Variants in DGKB observed in about 807,000 individuals in gnomAD.
DGKB encodes 90 kDa diacylglycerol kinase.
Under a neutral mutation model 114.3 loss-of-function variants are expected in DGKB, and 67 were observed. The observed-to-expected ratio is 0.59, with a 90% CI of 0.48 to 0.72. The LOEUF is 0.72. Ranked by LOEUF, DGKB falls within the 30% of genes least tolerant of loss-of-function variation. The probability of loss-of-function intolerance (pLI) is 0.00; values close to 1 mark genes in which losing one functional copy is unlikely to be tolerated. For missense variants in DGKB, 907 were observed against 975.2 expected (o/e 0.93, Z 0.93); for synonymous variants, 398 against 323.1 (o/e 1.23, Z -2.49).
chr7:14,807,074 T>C (rs1374840639), intron 2 of DGKB, among the ~76,000 whole-genome samples: 1 of 151,924 alleles, frequency 6.6e-6, no homozygotes, highest in Non-Finnish European at 1.5e-5. Flanking sequence ...AGCTGAGAGA[T>C]GAAGACAAAT....
chr7:14,240,112 C>A (rs1793423752), intron 23 of DGKB, among the ~76,000 whole-genome samples: 1 of 152,014 alleles, frequency 6.6e-6, no homozygotes, highest in Non-Finnish European at 1.5e-5. Flanking sequence ...TCTGTATCTT[C>A]CCTTATCAAT....
chr7:14,854,021 G>A lies in DGKB; in HGVS notation c.-187-12571C>T, dbSNP rs116121587. On this transcript the variant is annotated intron_variant, in intron 1 of 25. Coordinates refer to ENST00000402815, the MANE Select transcript of DGKB (RefSeq NM_001350709.2). ...TCACATCTTGCCTGACTCATTAGCA[G>A]TAAGCTCCCTTTATTTCATTATCTG... Among the ~76,000 whole-genome samples the A allele has an allele frequency of 1.3e-3, 202 of 152,082 alleles. 1 individual carries two copies. Among genetic ancestry groups the A allele is most frequent in the African/African-American group, 3.9e-3 (160 of 41,488 alleles).
At chr7:14,379,223 C>A (rs1030704279) in intron 21 of DGKB, among the ~76,000 whole-genome samples, 2 of 151,990 alleles carry the variant, frequency 1.3e-5, no homozygotes, top group African/African-American at 4.8e-5. Context: ...CTGAATTCAG[C>A]GAGTGTTTGT....
At chr7:14,408,634 T>C (rs182478047) in intron 21 of DGKB, among the ~76,000 whole-genome samples, 6 of 152,274 alleles carry the variant, frequency 3.9e-5, no homozygotes, top group African/African-American at 1.4e-4. Context: ...GCTCACTGAT[T>C]CTTCTAAATT....
At chr7:14,523,548 C>T (rs772169479) in intron 20 of DGKB, among the ~76,000 whole-genome samples, 1 of 152,138 alleles carries the variant, frequency 6.6e-6, no homozygotes, top group Non-Finnish European at 1.5e-5. Context: ...TAAAATTATA[C>T]TCCAATCAAG....
chr7:14,964,499 C>A (rs916113542), intron 1 of DGKB, among the ~76,000 whole-genome samples: 1 of 151,880 alleles, frequency 6.6e-6, no homozygotes, highest in African/African-American at 2.4e-5. Flanking sequence ...GACGTTGTCT[C>A]AAAAATAAAT....
intron 15 of DGKB, among the ~76,000 whole-genome samples, chr7:14,619,778 G>A (rs1174065169): frequency 6.6e-6 from 1 of 151,634 alleles, no homozygotes; most frequent in Non-Finnish European, 1.5e-5. Context: ...TTTTGAAAAT[G>A]ATGATAATAA....
chr7:14,336,045 A>G (rs1305177968), intron 23 of DGKB, among the ~76,000 whole-genome samples: 3 of 152,170 alleles, frequency 2.0e-5, no homozygotes, highest in Non-Finnish European at 4.4e-5. Flanking sequence ...TGCCTGCCCT[A>G]TTGCTGTTTT....
At chr7:14,246,592 T>TTTG (rs1306834372) in intron 23 of DGKB, among the ~76,000 whole-genome samples, 1 of 152,100 alleles carries the variant, frequency 6.6e-6, no homozygotes, top group Non-Finnish European at 1.5e-5. Flanking sequence ...CATACTCAAT[T>TTTG]TTGTTGTTGT....
intron 13 of DGKB, among the ~76,000 whole-genome samples, chr7:14,660,233 T>C (rs551578929): frequency 1.3e-5 from 2 of 152,132 alleles, no homozygotes; most frequent in African/African-American, 4.8e-5. Flanking sequence ...GGTATCAGGA[T>C]GATGCTGGCC....
chr7:14,658,252 A>ATT (rs2128916911), intron 13 of DGKB, among the ~76,000 whole-genome samples: 1 of 152,078 alleles, frequency 6.6e-6, no homozygotes, highest in South Asian at 2.1e-4. Flanking sequence ...AACTGGGACC[A>ATT]TTTTAAGTTT....
chr7:14,393,180 G>A (rs1450287311), intron 21 of DGKB, among the ~76,000 whole-genome samples: 3 of 151,352 alleles, frequency 2.0e-5, no homozygotes, highest in Non-Finnish European at 2.9e-5. Context: ...TAGTAGAGAC[G>A]GGGTTTCACC....
At chr7:14,920,363 G>C (rs1784454032) in intron 1 of DGKB, among the ~76,000 whole-genome samples, 1 of 151,872 alleles carries the variant, frequency 6.6e-6, no homozygotes, top group African/African-American at 2.4e-5. Context: ...CATGAAAGAA[G>C]GTATACAGAT....
chr7:14,890,154 A>G (rs1780959507), intron 1 of DGKB, among the ~76,000 whole-genome samples: 1 of 151,580 alleles, frequency 6.6e-6, no homozygotes, highest in Non-Finnish European at 1.5e-5. Context: ...ATGAGGGCAC[A>G]TGCTATATTG....
intron 20 of DGKB, among the ~76,000 whole-genome samples, chr7:14,510,869 T>C (rs1222546406): frequency 6.6e-6 from 1 of 152,216 alleles, no homozygotes; most frequent in Non-Finnish European, 1.5e-5. Flanking sequence ...ATCAGAGCTC[T>C]TGGGTAACTA....
At chr7:14,241,943 TACACACACACATATACACAC>T (rs1250591711) in intron 23 of DGKB, among the ~76,000 whole-genome samples, 814 of 73,354 alleles carry the variant, frequency 0.011, 6 homozygotes, top group African/African-American at 0.029. Flanking sequence ...TATAGATATA[TACACACACACATATACACAC>T]ACACACACAC....
At chr7:14,966,647 T>C (rs1455277620) in intron 1 of DGKB, among the ~76,000 whole-genome samples, 2 of 152,236 alleles carry the variant, frequency 1.3e-5, no homozygotes, top group African/African-American at 4.8e-5. Context: ...CCTGAGCTTG[T>C]GCTGCTTCCA....
At position 14,697,979 on chromosome 7, in the gene DGKB, AAG is replaced by A. The variant is rs1310662770; in HGVS notation, c.591+114_591+115del. 12 of 649,414 alleles carry A rather than the reference AAG, an allele frequency of 1.8e-5. No homozygotes were observed. The African/African-American group carries it at 2.0e-4, about 11-fold the overall frequency. The allele number at this position is 649,414 out of a possible 1,614,324, so 40.2% of individuals were successfully genotyped here. ...ATAGAAGGAAGGAAAGAAAGAAAGA[AAG>A]AGAGAGAGAAAGAAAAAAAGAAAGA... On this transcript the variant is annotated intron_variant, in intron 8 of 25. Coordinates refer to ENST00000402815, the MANE Select transcript of DGKB (RefSeq NM_001350709.2).
intron 20 of DGKB, among the ~76,000 whole-genome samples, chr7:14,567,676 G>A (rs747635967): frequency 6.9e-5 from 10 of 144,892 alleles, no homozygotes; most frequent in Non-Finnish European, 1.2e-4. Flanking sequence ...GTGCGATCTC[G>A]GCTCACTGCA....
Sources: allele counts gnomAD v4.1 joint callset (sites outside exome capture counted in the v4.1 genomes callset), GRCh38; gene constraint gnomAD v4.1.1; transcripts MANE v1.5; gene names NCBI Gene and HGNC (gene_info 2026-07-23, HGNC 2026-07-21).